Variants in NRG1 observed in about 807,000 individuals in gnomAD.
NRG1 encodes the protein neuregulin 1.
A neutral mutation model predicts 63.8 loss-of-function variants in NRG1; 18 were observed. The observed-to-expected ratio is 0.28, with a 90% CI of 0.19 to 0.42. NRG1 has a LOEUF of 0.42. Among genes scored for constraint, NRG1 ranks in the 10% least tolerant of loss-of-function variants. NRG1 has a pLI of 1.00. For missense variants in NRG1, 762 were observed against 814.7 expected, an observed-to-expected ratio of 0.94 and a Z score of 0.79; for synonymous variants, 302 against 301.3, an observed-to-expected ratio of 1.00 and a Z score of -0.02.
At chr8:32,174,744 C>A (rs1308081167) in intron 1 of NRG1, among the ~76,000 whole-genome samples, 3 of 152,138 alleles carry the variant, frequency 2.0e-5, no homozygotes, top group Admixed American at 6.6e-5. Context: ...GAAATGGATA[C>A]ATTCCTCGAC....
rs1322645205 is a variant in NRG1, at chr8:31,904,727, G to A, written c.37+265296G>A. On this transcript the variant is annotated intron_variant, in intron 1 of 10. Transcript: ENST00000519301. ...AAGAACAAGATCATGCCCAGTGCAG[G>A]AACATGTAAGGAACTGGAGGCCATT... Among the ~76,000 whole-genome samples, 8 of 152,236 alleles carry A rather than the reference G, an allele frequency of 5.3e-5. No homozygotes were observed. The South Asian group carries it at 1.7e-3, about 32-fold the overall frequency.
chr8:31,921,636 G>C (rs139553910), intron 1 of NRG1, among the ~76,000 whole-genome samples: 15 of 152,260 alleles, frequency 9.9e-5, no homozygotes, highest in African/African-American at 3.4e-4. Context: ...ATTAATTGCA[G>C]CAAAGAAAAA....
chr8:31,677,972 A>G lies in NRG1; in HGVS notation c.37+38541A>G, dbSNP rs544557175. On this transcript the variant is annotated intron_variant, in intron 1 of 10. Transcript: ENST00000519301. ...TTTCCTATCTTTTATTCATCTATGT[A>G]CTGCACTTATTTTTATAAGTTCATC... Among the ~76,000 whole-genome samples, 3 of 152,080 alleles carry G rather than the reference A, an allele frequency of 2.0e-5. No individual in the cohort carries two copies. In the East Asian group the frequency reaches 5.8e-4, roughly 29 times the overall value.
intron 1 of NRG1, among the ~76,000 whole-genome samples, chr8:31,859,137 G>T (rs192889252): frequency 6.6e-6 from 1 of 152,010 alleles, no homozygotes; most frequent in Non-Finnish European, 1.5e-5. Flanking sequence ...ATCTAAAACC[G>T]CAATTACTTT....
At chr8:32,444,498 A>G (rs1435696545) in intron 1 of NRG1, among the ~76,000 whole-genome samples, 1 of 152,084 alleles carries the variant, frequency 6.6e-6, no homozygotes, top group Non-Finnish European at 1.5e-5. Flanking sequence ...GCAATTCTGA[A>G]TGGATGAAAC....
chr8:32,440,360 T>G (rs968560821), intron 1 of NRG1, among the ~76,000 whole-genome samples: 1 of 152,102 alleles, frequency 6.6e-6, no homozygotes, highest in Non-Finnish European at 1.5e-5. Flanking sequence ...CACTATGTTT[T>G]GTTTCCCTAG....
intron 1 of NRG1, among the ~76,000 whole-genome samples, chr8:32,508,838 C>G (rs989974914): frequency 1.3e-5 from 2 of 151,712 alleles, no homozygotes; most frequent in Non-Finnish European, 2.9e-5. Flanking sequence ...CAGGTTCAAG[C>G]AATTCTCAGG....
chr8:32,556,807 G>A (rs1588281296), intron 1 of NRG1, among the ~76,000 whole-genome samples: 1 of 152,202 alleles, frequency 6.6e-6, no homozygotes, highest in South Asian at 2.1e-4. Flanking sequence ...CAATTTTAGA[G>A]ACTTACATTG....
At chr8:31,834,301 A>ATGCGTGTG (rs376775050) in intron 1 of NRG1, among the ~76,000 whole-genome samples, 3 of 145,420 alleles carry the variant, frequency 2.1e-5, no homozygotes, top group Admixed American at 6.9e-5. Context: ...GTGTGCGCGC[A>ATGCGTGTG]CGCGCGCACA....
At chr8:32,284,725 T>A (rs1174700071) in intron 1 of NRG1, among the ~76,000 whole-genome samples, 2 of 152,152 alleles carry the variant, frequency 1.3e-5, no homozygotes, top group East Asian at 3.9e-4. Flanking sequence ...TTTGTTTGTT[T>A]GTTTGTAGAG....
chr8:32,231,720 G>A (rs1320550041), intron 1 of NRG1, among the ~76,000 whole-genome samples: 1 of 151,768 alleles, frequency 6.6e-6, no homozygotes, highest in Non-Finnish European at 1.5e-5. Context: ...GACCAATATG[G>A]TAAACTCCTT....
intron 1 of NRG1, among the ~76,000 whole-genome samples, chr8:31,900,461 A>ATT (rs1831979325): frequency 6.6e-6 from 1 of 152,186 alleles, no homozygotes; most frequent in Non-Finnish European, 1.5e-5. Context: ...CAAGGATAGC[A>ATT]TTATACTAAG....
intron 1 of NRG1, among the ~76,000 whole-genome samples, chr8:32,105,485 C>T (rs1005585113): frequency 6.6e-6 from 1 of 152,106 alleles, no homozygotes; most frequent in African/African-American, 2.4e-5. Flanking sequence ...AATAGCATGG[C>T]AAAGACCCGC....
chr8:32,630,367 T>A (rs1850054502), intron 5 of NRG1, among the ~76,000 whole-genome samples: 1 of 152,196 alleles, frequency 6.6e-6, no homozygotes. Context: ...TTATATTTAT[T>A]TGATACTTGG....
chr8:31,862,566 C>T (rs17662942), intron 1 of NRG1, among the ~76,000 whole-genome samples: 3,278 of 152,300 alleles, frequency 0.022, 53 homozygotes, highest in Non-Finnish European at 0.033. Flanking sequence ...TACTTAACCA[C>T]CTGCTTTAGC....
At chr8:32,036,439 G>A (rs933273387) in intron 1 of NRG1, among the ~76,000 whole-genome samples, 1 of 152,058 alleles carries the variant, frequency 6.6e-6, no homozygotes, top group Non-Finnish European at 1.5e-5. Context: ...GTATCTTACT[G>A]GGGTTCTCTG....
At chr8:31,928,456 A>G (rs1834590874) in intron 1 of NRG1, among the ~76,000 whole-genome samples, 1 of 152,060 alleles carries the variant, frequency 6.6e-6, no homozygotes, top group Admixed American at 6.6e-5. Flanking sequence ...TCAAAGAACT[A>G]AAGACAGATC....
intron 1 of NRG1, among the ~76,000 whole-genome samples, chr8:32,022,469 A>G (rs1217100784): frequency 6.6e-6 from 1 of 152,136 alleles, no homozygotes; most frequent in Admixed American, 6.5e-5. Flanking sequence ...TGAAATTTTG[A>G]TACTTAAAGG....
intron 1 of NRG1, among the ~76,000 whole-genome samples, chr8:31,971,788 C>T (rs186515363): frequency 1.8e-3 from 274 of 152,124 alleles, no homozygotes; most frequent in African/African-American, 6.0e-3. Context: ...TTTCTTTCAT[C>T]GCCCCTGAAA....
Sources: allele counts gnomAD v4.1 joint callset (sites outside exome capture counted in the v4.1 genomes callset), GRCh38; gene constraint gnomAD v4.1.1; transcripts MANE v1.5; gene names NCBI Gene and HGNC (gene_info 2026-07-23, HGNC 2026-07-21).